The following THRB variants were observed in gnomAD, a reference collection of about 807,000 sequenced individuals.
THRB encodes nuclear receptor subfamily 1 group A member 2.
THRB carries 12 observed loss-of-function variants against 47.8 expected under a neutral mutation model. The ratio of observed to expected loss-of-function variants is 0.25; its 90% confidence interval spans 0.16 to 0.41. THRB has a LOEUF of 0.41. THRB is among the 10% of genes least tolerant of loss of function. The pLI is 1.00. For missense variants in THRB, 348 were observed against 589.2 expected (o/e 0.59, Z 4.24); for synonymous variants, 218 against 212.2 (o/e 1.03, Z -0.24).
chr3:24,369,572 A>C (rs751858941), intron 1 of THRB, among the ~76,000 whole-genome samples: 2 of 152,154 alleles, frequency 1.3e-5, no homozygotes, highest in African/African-American at 2.4e-5. Context: ...CATTGGTCTA[A>C]ATATCACACT....
intron 5 of THRB, among the ~76,000 whole-genome samples, chr3:24,181,920 G>C (rs1206252035): frequency 2.6e-5 from 4 of 152,142 alleles, no homozygotes; most frequent in African/African-American, 9.7e-5. Context: ...ACCACAGTGG[G>C]GCCAGGTGCG....
At chr3:24,230,408 T>C (rs1172536765) in intron 3 of THRB, among the ~76,000 whole-genome samples, 1 of 152,174 alleles carries the variant, frequency 6.6e-6, no homozygotes, top group African/African-American at 2.4e-5. Flanking sequence ...ATGAATGAAG[T>C]TGATATAGCA....
chr3:24,180,377 A>C (rs2041739234), intron 5 of THRB, among the ~76,000 whole-genome samples: 1 of 152,230 alleles, frequency 6.6e-6, no homozygotes, highest in African/African-American at 2.4e-5. Context: ...TCAAATGCCA[A>C]GTGTCTTTAT....
At chr3:24,402,297 A>G (rs1185787037) in intron 1 of THRB, among the ~76,000 whole-genome samples, 1 of 151,958 alleles carries the variant, frequency 6.6e-6, no homozygotes, top group Admixed American at 6.6e-5. Flanking sequence ...CTAAATTAGT[A>G]TTTCTTAATA....
At chr3:24,342,340 C>T (rs1199995876) in intron 1 of THRB, among the ~76,000 whole-genome samples, 2 of 152,002 alleles carry the variant, frequency 1.3e-5, no homozygotes, top group African/African-American at 4.8e-5. Context: ...GATGTGAAGT[C>T]GAACAGGGGA....
At chr3:24,246,791 A>G (rs1175971408) in intron 3 of THRB, among the ~76,000 whole-genome samples, 1 of 152,182 alleles carries the variant, frequency 6.6e-6, no homozygotes, top group Admixed American at 6.5e-5. Context: ...CCATCTCTAG[A>G]GTCAAGAAAA....
intron 1 of THRB, among the ~76,000 whole-genome samples, chr3:24,351,875 C>G (rs73043726): frequency 6.6e-6 from 1 of 152,154 alleles, no homozygotes; most frequent in African/African-American, 2.4e-5. Context: ...TTACAGGGAA[C>G]CCTATATACT....
intron 1 of THRB, among the ~76,000 whole-genome samples, chr3:24,435,464 G>A (rs558488360): frequency 1.3e-5 from 2 of 152,240 alleles, no homozygotes; most frequent in African/African-American, 4.8e-5. Context: ...GTAGGTAAAG[G>A]ACAGAAATGG....
chr3:24,473,446 C>T (rs1490499526), intron 1 of THRB, among the ~76,000 whole-genome samples: 1 of 152,166 alleles, frequency 6.6e-6, no homozygotes, highest in Admixed American at 6.5e-5. Context: ...ACAACAGATG[C>T]TGTAGAGGAT....
chr3:24,311,306 T>A (rs1388303808), intron 2 of THRB, among the ~76,000 whole-genome samples: 1 of 152,172 alleles, frequency 6.6e-6, no homozygotes, highest in Non-Finnish European at 1.5e-5. Context: ...AGATGCAATA[T>A]TTCTTTTAAA....
intron 3 of THRB, among the ~76,000 whole-genome samples, chr3:24,234,159 C>T (rs567687140): frequency 1.3e-5 from 2 of 152,284 alleles, no homozygotes; most frequent in South Asian, 2.1e-4. Context: ...AGTGTGCTCT[C>T]CTCAAGAAAT....
intron 3 of THRB, among the ~76,000 whole-genome samples, chr3:24,271,845 T>A (rs1346842400): frequency 6.6e-6 from 1 of 152,168 alleles, no homozygotes; most frequent in Non-Finnish European, 1.5e-5. Context: ...TAGGGAACTT[T>A]GTTTCCCAAT....
intron 1 of THRB, among the ~76,000 whole-genome samples, chr3:24,417,306 G>C (rs2068841153): frequency 6.6e-6 from 1 of 151,848 alleles, no homozygotes; most frequent in Non-Finnish European, 1.5e-5. Flanking sequence ...GAAAGGCCAG[G>C]CTGTCAGTGC....
chr3:24,369,336 A>G (rs12330633), intron 1 of THRB, among the ~76,000 whole-genome samples: 17,459 of 152,108 alleles, frequency 0.11, 1,688 homozygotes, highest in African/African-American at 0.26. Context: ...CTCGTTTTGC[A>G]AAACAGAAAA....
At chr3:24,339,066 T>C (rs951095851) in intron 1 of THRB, among the ~76,000 whole-genome samples, 1 of 152,204 alleles carries the variant, frequency 6.6e-6, no homozygotes, top group African/African-American at 2.4e-5. Context: ...GTTATGACTT[T>C]ATGGCAATTA....
intron 1 of THRB, among the ~76,000 whole-genome samples, chr3:24,451,296 C>T (rs1363175726): frequency 2.8e-5 from 4 of 144,930 alleles, no homozygotes; most frequent in African/African-American, 7.8e-5. Context: ...TGCAGTGGCG[C>T]GATCTCAGCT....
intron 8 of THRB, among the ~76,000 whole-genome samples, chr3:24,139,518 G>A (rs2035164473): frequency 1.3e-5 from 2 of 151,950 alleles, no homozygotes; most frequent in African/African-American, 4.8e-5. Context: ...TGAGTAGTGG[G>A]GAACCACAGG....
At chr3:24,465,954 C>T (rs1248230326) in intron 1 of THRB, among the ~76,000 whole-genome samples, 3 of 152,126 alleles carry the variant, frequency 2.0e-5, no homozygotes, top group South Asian at 2.1e-4. Flanking sequence ...TTTCTTCCTT[C>T]CTAGAGATAA....
chr3:24,447,038 C>T (rs543897503), intron 1 of THRB, among the ~76,000 whole-genome samples: 1 of 152,084 alleles, frequency 6.6e-6, no homozygotes, highest in Non-Finnish European at 1.5e-5. Flanking sequence ...CAAATATAGC[C>T]TCCATTTTTA....
Sources: gnomAD v4.1 joint callset for allele counts (sites outside exome capture counted in the v4.1 genomes callset) on GRCh38, gnomAD v4.1.1 for gene constraint, MANE v1.5 for transcripts, NCBI Gene and HGNC (gene_info 2026-07-23, HGNC 2026-07-21) for gene names.